The following SYNE2 variants were observed in gnomAD, a reference collection of about 807,000 sequenced individuals.
SYNE2 encodes nesprin-2.
In SYNE2, 431 loss-of-function variants were observed where a neutral mutation model predicts 856.3. The ratio of observed to expected loss-of-function variants is 0.50; its 90% confidence interval spans 0.47 to 0.55. SYNE2 has a LOEUF of 0.55. Ranked by LOEUF, SYNE2 falls within the 20% of genes least tolerant of loss-of-function variation. SYNE2 has a pLI of 0.00. For missense variants in SYNE2, 8,129 were observed against 8,023.2 expected (o/e 1.01, Z -0.50); for synonymous variants, 2,923 against 2,872.3 (o/e 1.02, Z -0.56).
chr14:63,871,848 A>G (rs1478223895), intron 1 of SYNE2, among the ~76,000 whole-genome samples: 1 of 152,086 alleles, frequency 6.6e-6, no homozygotes, highest in Admixed American at 6.6e-5. Flanking sequence ...AATATTTAGG[A>G]CCTATGAAAA....
At chr14:64,086,702 C>CTTTTTTT (rs56168321) in intron 57 of SYNE2, among the ~76,000 whole-genome samples, 1 of 64,668 alleles carries the variant, frequency 1.5e-5, no homozygotes, top group Non-Finnish European at 2.7e-5. Context: ...GTATGCAGGT[C>CTTTTTTT]TTTTTTTTTT....
At chr14:64,076,531 GTGTC>G (rs2097460923) in intron 54 of SYNE2, among the ~76,000 whole-genome samples, 1 of 152,120 alleles carries the variant, frequency 6.6e-6, no homozygotes, top group African/African-American at 2.4e-5. Context: ...TTAGTATGTA[GTGTC>G]TGTCTAACGA....
chr14:63,939,630 G>A (rs2095878243), intron 2 of SYNE2, among the ~76,000 whole-genome samples: 1 of 152,160 alleles, frequency 6.6e-6, no homozygotes, highest in South Asian at 2.1e-4. Flanking sequence ...TTACAGGCGT[G>A]AACCACCACA....
chr14:63,997,001 C>A lies in SYNE2; in HGVS notation c.2995C>A (p.Leu999Met). 6.2e-7 allele frequency: 1 copy of A among 1,614,050 alleles called. No homozygotes were observed. Among genetic ancestry groups the A allele is most frequent in the Non-Finnish European group, 8.5e-7 (1 of 1,179,996 alleles). Residue 999 changes from leucine to methionine, a missense_variant, in exon 24 of 116, where the codon CTG (leucine) becomes ATG (methionine). Coordinates refer to ENST00000555002, the MANE Select transcript of SYNE2 (RefSeq NM_182914.3). ...CCAGCTTAATCACCACATGGAAGTC[C>A]TGAGGGAGCTGTGTGAAGAGCTGCC... ...LYQLNHHMEVLRELCEELPSQ... is the reference protein window; with the variant it reads ...LYQLNHHMEVMRELCEELPSQ...
At chr14:63,827,641 A>AG in intron 1 of SYNE2, among the ~76,000 whole-genome samples, 2 of 104,062 alleles carry the variant, frequency 1.9e-5, no homozygotes, top group South Asian at 6.9e-4. Flanking sequence ...AAAAAAAAAA[A>AG]AAAAAAAAAA....
chr14:63,831,695 A>G (rs1889675285), intron 1 of SYNE2, among the ~76,000 whole-genome samples: 1 of 151,292 alleles, frequency 6.6e-6, no homozygotes, highest in South Asian at 2.1e-4. Context: ...AGCTGATACT[A>G]CAGGCATGCA....
At chr14:64,147,396 C>T (rs1277832387) in intron 84 of SYNE2, among the ~76,000 whole-genome samples, 1 of 152,202 alleles carries the variant, frequency 6.6e-6, no homozygotes, top group South Asian at 2.1e-4. Flanking sequence ...GGAAAATCCT[C>T]CAGTGGCTCC....
At chr14:64,064,853 C>CTT (rs34550127) in intron 50 of SYNE2, among the ~76,000 whole-genome samples, 1 of 123,692 alleles carries the variant, frequency 8.1e-6, no homozygotes, top group Non-Finnish European at 1.7e-5. Context: ...CACTTATAGA[C>CTT]TTTTTTTTTT....
chr14:63,819,922 A>G (rs185241367), intron 1 of SYNE2, among the ~76,000 whole-genome samples: 284 of 152,324 alleles, frequency 1.9e-3, no homozygotes, highest in African/African-American at 6.5e-3. Flanking sequence ...AAATACATCA[A>G]AACATATAAA....
chr14:64,097,897 C>T (rs935126743), intron 61 of SYNE2, 52 bp from the exon 62 acceptor site: 1 of 1,573,750 alleles, frequency 6.4e-7, no homozygotes, highest in African/African-American at 1.3e-5. Context: ...CTGCTCTGGG[C>T]CTGCAGAGGC....
At chr14:63,991,214 T>G in intron 21 of SYNE2, 99 bp downstream of exon 21, 1 of 1,191,818 alleles carries the variant, frequency 8.4e-7, no homozygotes, top group Non-Finnish European at 1.2e-6. Context: ...TATACTGAGT[T>G]ACTGTAACTT....
Position 63,990,803 on chromosome 14 carries a change from T to C in SYNE2, c.2473-139T>C, listed in dbSNP as rs1027255180. On this transcript the variant is annotated intron_variant, in intron 20 of 115. Coordinates refer to ENST00000555002, the MANE Select transcript of SYNE2 (RefSeq NM_182914.3). ...AGATATCTAAATTTAGATAGATTTA[T>C]AATTTAGATAGATTTATCATAATTT... 9 of 796,730 alleles carry C rather than the reference T, an allele frequency of 1.1e-5. No homozygotes were observed. The African/African-American group carries it at 1.6e-4, about 14-fold the overall frequency. The allele number at this position is 796,730 out of a possible 1,614,324, so 49.4% of individuals were successfully genotyped here.
At chr14:63,962,279 C>T (rs2096329400) in intron 9 of SYNE2, among the ~76,000 whole-genome samples, 1 of 151,914 alleles carries the variant, frequency 6.6e-6, no homozygotes, top group African/African-American at 2.4e-5. Context: ...TGGTCTCGAA[C>T]CCCTGACTTC....
chr14:64,032,682 C>T (rs768832771), intron 45 of SYNE2, among the ~76,000 whole-genome samples: 1 of 152,106 alleles, frequency 6.6e-6, no homozygotes, highest in Non-Finnish European at 1.5e-5. Flanking sequence ...AAGCGATTCT[C>T]CTGCCTCAGC....
At chr14:63,818,940 C>T (rs901238842) in intron 1 of SYNE2, among the ~76,000 whole-genome samples, 64 of 151,694 alleles carry the variant, frequency 4.2e-4, no homozygotes, top group African/African-American at 6.3e-4. Flanking sequence ...CTTCGTGATC[C>T]GCCAGCCTCA....
chr14:63,880,715 C>A (rs1313281416), intron 1 of SYNE2, among the ~76,000 whole-genome samples: 1 of 148,860 alleles, frequency 6.7e-6, no homozygotes, highest in Non-Finnish European at 1.5e-5. Flanking sequence ...CTCTGGTGCC[C>A]AGGCTGGAGT....
Position 63,983,802 on chromosome 14 carries a change from T to G in SYNE2, c.2067T>G (p.Ile689Met). 6.2e-7 allele frequency: 1 copy of G among 1,612,076 alleles called. No individual in the cohort carries two copies. Among genetic ancestry groups the G allele is most frequent in the East Asian group, 2.2e-5 (1 of 44,754 alleles). The change falls in exon 18 of 116, where the codon ATT (isoleucine) becomes ATG (methionine). Residue 689 changes from isoleucine to methionine, a missense_variant. By Grantham distance (10) the Ile-to-Met change is conservative (BLOSUM62 1). Coordinates refer to ENST00000555002, the MANE Select transcript of SYNE2 (RefSeq NM_182914.3). ...CCACTTTTGACAATTCTGGAAATAT[T>G]CTATCTAAAGAAGAGAAAGCAACTG... ...DQPTFDNSGN[I>M]LSKEEKATVE...
chr14:63,884,303 C>A (rs1339601710), intron 1 of SYNE2, among the ~76,000 whole-genome samples: 1 of 152,122 alleles, frequency 6.6e-6, no homozygotes, highest in Non-Finnish European at 1.5e-5. Flanking sequence ...CTTCTGAAGA[C>A]AGAAAAACTA....
intron 1 of SYNE2, among the ~76,000 whole-genome samples, chr14:63,796,227 A>G (rs1887909924): frequency 6.6e-6 from 1 of 152,194 alleles, no homozygotes; most frequent in African/African-American, 2.4e-5. Context: ...TTGGGAGTCC[A>G]CTGCAGGCAG....
Sources: gnomAD v4.1 joint callset for allele counts (sites outside exome capture counted in the v4.1 genomes callset) on GRCh38, gnomAD v4.1.1 for gene constraint, MANE v1.5 for transcripts, NCBI Gene and HGNC (gene_info 2026-07-23, HGNC 2026-07-21) for gene names.